Variants in MYT1L observed in about 807,000 individuals in gnomAD.
The protein encoded by MYT1L is myelin transcription factor 1-like protein.
Under a neutral mutation model 126.7 loss-of-function variants are expected in MYT1L, and 12 were observed. The observed-to-expected ratio is 0.09, with a 90% confidence interval of 0.06 to 0.15. The LOEUF is 0.15. Among genes scored for constraint, MYT1L ranks in the 10% least tolerant of loss-of-function variants. The pLI is 1.00. For synonymous variants in MYT1L, 541 were observed against 604.2 expected (o/e 0.90, Z 1.53); for missense variants, 979 against 1,585.2 (o/e 0.62, Z 6.49).
intron 3 of MYT1L, among the ~76,000 whole-genome samples, chr2:2,127,696 A>G (rs1480323898): frequency 6.6e-6 from 1 of 152,186 alleles, no homozygotes; most frequent in African/African-American, 2.4e-5. Flanking sequence ...CGCAGCTCTC[A>G]TGCAGTGCTC....
At chr2:2,267,775 T>C (rs981867213) in intron 2 of MYT1L, among the ~76,000 whole-genome samples, 12 of 151,966 alleles carry the variant, frequency 7.9e-5, no homozygotes, top group Non-Finnish European at 1.5e-4. Flanking sequence ...CCTGGATCCG[T>C]CAAGCTACAG....
intron 3 of MYT1L, among the ~76,000 whole-genome samples, chr2:2,158,914 G>T (rs920701905): frequency 6.6e-6 from 1 of 152,152 alleles, no homozygotes; most frequent in African/African-American, 2.4e-5. Flanking sequence ...GGGCTCCAGG[G>T]CCTCGTGCCA....
chr2:1,794,194 C>T (rs779571179), intron 23 of MYT1L, among the ~76,000 whole-genome samples: 7 of 152,304 alleles, frequency 4.6e-5, no homozygotes, highest in Admixed American at 2.6e-4. Flanking sequence ...CTTTCCTAGA[C>T]GGTGGCTGCT....
chr2:1,937,972 A>C (rs1470977645), intron 9 of MYT1L, among the ~76,000 whole-genome samples: 1 of 152,226 alleles, frequency 6.6e-6, no homozygotes, highest in Non-Finnish European at 1.5e-5. Context: ...CCCCGTGATC[A>C]AGTGGCAAGG....
At chr2:1,838,625 G>A (rs1558708555) in intron 21 of MYT1L, among the ~76,000 whole-genome samples, 1 of 152,202 alleles carries the variant, frequency 6.6e-6, no homozygotes, top group Non-Finnish European at 1.5e-5. Context: ...CAATCTGACT[G>A]CACAGAACGG....
chr2:1,992,148 G>T (rs1441177151), intron 5 of MYT1L, among the ~76,000 whole-genome samples: 1 of 152,118 alleles, frequency 6.6e-6, no homozygotes, highest in East Asian at 1.9e-4. Context: ...TTAGACATCG[G>T]TTTTTCTGCA....
Position 2,135,698 on chromosome 2 carries a change from T to C in MYT1L, c.-304+37174A>G, listed in dbSNP as rs369664651. On this transcript the variant is annotated intron_variant, in intron 3 of 24. Coordinates refer to ENST00000647738, the MANE Select transcript of MYT1L (RefSeq NM_001303052.2). The stretch of plus-strand genomic sequence containing the variant: ...TGGAAAAGGAGGCTGGGTCTTGTAC[T>C]CTATGGAAAAAGCCATAATCATGCC... Among the ~76,000 whole-genome samples the C allele has an allele frequency of 6.6e-5, 10 of 152,318 alleles. No homozygotes were observed. The East Asian group carries it at 9.7e-4, about 15-fold the overall frequency.
intron 1 of MYT1L, among the ~76,000 whole-genome samples, chr2:2,295,234 C>A (rs979885983): frequency 1.3e-5 from 2 of 152,140 alleles, no homozygotes; most frequent in East Asian, 3.9e-4. Flanking sequence ...TGGGAAGAGA[C>A]AGATGAGGAA....
intron 2 of MYT1L, among the ~76,000 whole-genome samples, chr2:2,266,777 CATG>C (rs1192585238): frequency 2.0e-5 from 3 of 152,182 alleles, no homozygotes; most frequent in Non-Finnish European, 4.4e-5. Flanking sequence ...GAATAAGTCT[CATG>C]AGATCTCACG....
intron 3 of MYT1L, among the ~76,000 whole-genome samples, chr2:2,136,140 C>G (rs1253550913): frequency 6.6e-6 from 1 of 152,060 alleles, no homozygotes; most frequent in African/African-American, 2.4e-5. Context: ...AACCAAACAC[C>G]CTAGCTCTCA....
intron 18 of MYT1L, among the ~76,000 whole-genome samples, chr2:1,874,787 A>G (rs1246524817): frequency 6.6e-6 from 1 of 152,208 alleles, no homozygotes; most frequent in African/African-American, 2.4e-5. Context: ...CCTCATGGAA[A>G]GGTGACATGC....
intron 2 of MYT1L, among the ~76,000 whole-genome samples, chr2:2,225,293 G>C (rs1320650088): frequency 6.6e-6 from 1 of 152,084 alleles, no homozygotes; most frequent in African/African-American, 2.4e-5. Context: ...CCAGGGCAGG[G>C]GGTTGTAGTT....
chr2:1,928,804 T>C (rs939241508), intron 9 of MYT1L, among the ~76,000 whole-genome samples: 2 of 152,076 alleles, frequency 1.3e-5, no homozygotes, highest in African/African-American at 4.8e-5. Context: ...TGAGTGGAGT[T>C]TGGGTCCATT....
At chr2:2,186,474 A>G (rs959683868) in intron 2 of MYT1L, among the ~76,000 whole-genome samples, 1 of 152,242 alleles carries the variant, frequency 6.6e-6, no homozygotes, top group Non-Finnish European at 1.5e-5. Flanking sequence ...AACAGATAAT[A>G]GGGAGAATCT....
intron 13 of MYT1L, among the ~76,000 whole-genome samples, chr2:1,906,048 TA>T (rs2051007829): frequency 6.6e-6 from 1 of 152,242 alleles, no homozygotes. Context: ...CTTGCTTTTT[TA>T]TGATTATTTT....
intron 8 of MYT1L, among the ~76,000 whole-genome samples, chr2:1,968,383 T>C (rs2149429462): frequency 6.6e-6 from 1 of 152,304 alleles, no homozygotes; most frequent in South Asian, 2.1e-4. Context: ...ATGTATTATT[T>C]ATGAATAAAA....
chr2:2,074,773 TGAA>T (rs2075027545), intron 3 of MYT1L, among the ~76,000 whole-genome samples: 3 of 152,274 alleles, frequency 2.0e-5, no homozygotes, highest in South Asian at 2.1e-4. Context: ...AATACTCAGT[TGAA>T]GAAGAACATT....
At chr2:2,219,546 T>C (rs2093793826) in intron 2 of MYT1L, among the ~76,000 whole-genome samples, 1 of 152,254 alleles carries the variant, frequency 6.6e-6, no homozygotes, top group Non-Finnish European at 1.5e-5. Flanking sequence ...CCTAAATATT[T>C]GCCCTGGCAT....
intron 9 of MYT1L, among the ~76,000 whole-genome samples, chr2:1,939,918 T>C (rs1034411146): frequency 6.6e-6 from 1 of 152,258 alleles, no homozygotes; most frequent in African/African-American, 2.4e-5. Context: ...GAGTCAGGCC[T>C]CTCAGGTGAT....
Sources: allele counts gnomAD v4.1 joint callset (sites outside exome capture counted in the v4.1 genomes callset), GRCh38; gene constraint gnomAD v4.1.1; transcripts MANE v1.5; gene names NCBI Gene and HGNC (gene_info 2026-07-23, HGNC 2026-07-21).